Variants in MPPED2 observed in about 807,000 individuals in gnomAD.
MPPED2 encodes metallophosphoesterase domain containing 2.
Under a neutral mutation model 33.0 loss-of-function variants are expected in MPPED2, and 5 were observed. The observed-to-expected ratio is 0.15, with a 90% CI of 0.08 to 0.32. The LOEUF is 0.32. Ranked by LOEUF, MPPED2 falls within the 10% of genes least tolerant of loss-of-function variation. The pLI is 1.00. For synonymous variants in MPPED2, 136 were observed against 141.9 expected, an observed-to-expected ratio of 0.96 and a Z score of 0.29; for missense variants, 275 against 372.1, an observed-to-expected ratio of 0.74 and a Z score of 2.15.
At chr11:30,498,882 G>A (rs1952425113) in intron 3 of MPPED2, among the ~76,000 whole-genome samples, 2 of 152,124 alleles carry the variant, frequency 1.3e-5, no homozygotes. Context: ...AATGAGATGT[G>A]GAAAACTTGC....
At chr11:30,516,415 A>G (rs572705968) in intron 3 of MPPED2, among the ~76,000 whole-genome samples, 1 of 152,286 alleles carries the variant, frequency 6.6e-6, no homozygotes, top group Admixed American at 6.5e-5. Context: ...CTTTGGCTAA[A>G]GGACGTAGCA....
intron 3 of MPPED2, among the ~76,000 whole-genome samples, chr11:30,517,212 C>G (rs969682588): frequency 2.0e-5 from 3 of 152,270 alleles, no homozygotes; most frequent in Non-Finnish European, 4.4e-5. Context: ...TATATCTCCC[C>G]AGTGGAAAAG....
intron 4 of MPPED2, among the ~76,000 whole-genome samples, chr11:30,491,248 A>G (rs1951970300): frequency 6.6e-6 from 1 of 152,252 alleles, no homozygotes; most frequent in Non-Finnish European, 1.5e-5. Flanking sequence ...GAATTCAAGC[A>G]TGCTCACAAA....
intron 6 of MPPED2, among the ~76,000 whole-genome samples, chr11:30,411,891 T>C (rs1948120020): frequency 6.6e-6 from 1 of 152,130 alleles, no homozygotes; most frequent in Non-Finnish European, 1.5e-5. Context: ...TTTCCTCCTT[T>C]TAAAATAGGA....
At chr11:30,488,298 G>A (rs954978512) in intron 4 of MPPED2, among the ~76,000 whole-genome samples, 3 of 152,202 alleles carry the variant, frequency 2.0e-5, no homozygotes, top group Admixed American at 6.5e-5. Context: ...CCATCCAAAT[G>A]TAAATTTATT....
chr11:30,560,736 G>A (rs1956203875), intron 2 of MPPED2, among the ~76,000 whole-genome samples: 1 of 152,168 alleles, frequency 6.6e-6, no homozygotes, highest in Non-Finnish European at 1.5e-5. Context: ...TTTCACTTAT[G>A]TGATTCACTT....
intron 3 of MPPED2, among the ~76,000 whole-genome samples, chr11:30,501,831 A>T (rs568170276): frequency 3.3e-4 from 51 of 152,332 alleles, no homozygotes; most frequent in Admixed American, 2.3e-3. Flanking sequence ...TAACTCCCTT[A>T]TAAAACTCTG....
chr11:30,386,405 A>G (rs1947702719), exon 7 of MPPED2: 1 of 216,190 alleles, frequency 4.6e-6, no homozygotes, highest in South Asian at 1.9e-4. Context: ...TTCCTGCATC[A>G]TGGCAGCTCC....
At position 30,410,703 on chromosome 11, in the gene MPPED2, A is replaced by C; in HGVS notation, c.*765T>G. The C allele has an allele frequency of 1.0e-6, 1 of 984,490 alleles. No homozygotes were observed. Among genetic ancestry groups the C allele is most frequent in the Non-Finnish European group, 1.2e-6 (1 of 828,664 alleles). The allele number at this position is 984,490 out of a possible 1,614,324, so 61.0% of individuals were successfully genotyped here. On this transcript the variant is annotated 3_prime_UTR_variant, in exon 7 of 7. Coordinates refer to ENST00000358117, the MANE Select transcript of MPPED2 (RefSeq NM_001584.3). ...CTCCTAACGTAGTCATAATACACAA[A>C]AAATACTTATATATATAAACCCATA...
intron 4 of MPPED2, among the ~76,000 whole-genome samples, chr11:30,428,045 G>T (rs573990891): frequency 6.6e-6 from 1 of 152,218 alleles, no homozygotes; most frequent in South Asian, 2.1e-4. Context: ...AAATTAGTGG[G>T]TGTGGGGACT....
intron 4 of MPPED2, among the ~76,000 whole-genome samples, chr11:30,418,453 T>C (rs1351344345): frequency 6.6e-6 from 1 of 152,248 alleles, no homozygotes; most frequent in Non-Finnish European, 1.5e-5. Context: ...CCATTTAAGA[T>C]ACAAGTAATG....
chr11:30,486,181 T>G (rs573114385), intron 4 of MPPED2, among the ~76,000 whole-genome samples: 1 of 152,194 alleles, frequency 6.6e-6, no homozygotes, highest in East Asian at 1.9e-4. Flanking sequence ...AGAGGAGAAA[T>G]GCATCACAGG....
At chr11:30,553,166 T>C (rs1177874066) in intron 2 of MPPED2, among the ~76,000 whole-genome samples, 1 of 152,170 alleles carries the variant, frequency 6.6e-6, no homozygotes, top group Non-Finnish European at 1.5e-5. Flanking sequence ...AAAATCACTG[T>C]TCCATCACCA....
chr11:30,514,019 T>G (rs914862814), intron 3 of MPPED2, among the ~76,000 whole-genome samples: 1 of 152,208 alleles, frequency 6.6e-6, no homozygotes, highest in African/African-American at 2.4e-5. Flanking sequence ...TACTTCATTA[T>G]GAGACTCATT....
chr11:30,434,880 G>A (rs1280285759), intron 4 of MPPED2, among the ~76,000 whole-genome samples: 4 of 151,804 alleles, frequency 2.6e-5, no homozygotes, highest in African/African-American at 9.7e-5. Flanking sequence ...ACAGACGATC[G>A]AATGAGGAAA....
upstream of MPPED2, chr11:30,586,850 G>A (rs1486794835): frequency 6.6e-6 from 1 of 152,220 alleles, no homozygotes; most frequent in Non-Finnish European, 1.5e-5. The surrounding 1 kb of genome is among the most constrained non-coding windows in gnomAD (Gnocchi z 4.8). Flanking sequence ...GGCGACCCTA[G>A]GTTCCCTCCC....
At chr11:30,471,662 G>A (rs1950950277) in intron 4 of MPPED2, among the ~76,000 whole-genome samples, 1 of 152,166 alleles carries the variant, frequency 6.6e-6, no homozygotes, top group Non-Finnish European at 1.5e-5. Context: ...AGGCTAATAA[G>A]GTTTTCTGGG....
intron 4 of MPPED2, among the ~76,000 whole-genome samples, chr11:30,490,638 G>A (rs1190804912): frequency 6.6e-6 from 1 of 151,822 alleles, no homozygotes; most frequent in Non-Finnish European, 1.5e-5. Context: ...CTCTTCCTTG[G>A]GGATCTAGTA....
chr11:30,509,936 G>A (rs7944883), intron 3 of MPPED2, among the ~76,000 whole-genome samples: 38,773 of 151,988 alleles, frequency 0.26, 4,999 homozygotes, highest in Middle Eastern at 0.32. Flanking sequence ...CATAATCACC[G>A]GGTCAGAGAT....
Sources: allele counts gnomAD v4.1 joint callset (sites outside exome capture counted in the v4.1 genomes callset), GRCh38; gene constraint gnomAD v4.1.1; non-coding constraint Gnocchi (gnomAD v3.1); transcripts MANE v1.5; gene names NCBI Gene and HGNC (gene_info 2026-07-23, HGNC 2026-07-21).